Variants in NSUN6 observed in about 807,000 individuals in gnomAD.
NSUN6 encodes tRNA (cytosine(72)-C(5))-methyltransferase NSUN6.
Under a neutral mutation model 58.0 loss-of-function variants are expected in NSUN6, and 64 were observed. The ratio of observed to expected loss-of-function variants is 1.10; its 90% CI spans 0.90 to 1.36. NSUN6 has a LOEUF of 1.36. Among genes scored for constraint, NSUN6 ranks in the 40% most tolerant of loss-of-function variants. NSUN6 has a pLI of 0.00. For synonymous variants in NSUN6, 231 were observed against 193.9 expected, an observed-to-expected ratio of 1.19 and a Z score of -1.59; for missense variants, 701 against 550.1, an observed-to-expected ratio of 1.27 and a Z score of -2.74.
At chr10:18,563,914 CTCCAT>C (rs2055733574) in intron 8 of NSUN6, among the ~76,000 whole-genome samples, 1 of 150,988 alleles carries the variant, frequency 6.6e-6, no homozygotes. Flanking sequence ...ACATTACATT[CTCCAT>C]TCCATTCCAC....
intron 8 of NSUN6, among the ~76,000 whole-genome samples, chr10:18,570,297 A>T: frequency 7.2e-6 from 1 of 139,576 alleles, no homozygotes; most frequent in Non-Finnish European, 1.6e-5. Context: ...TCCATTCCAC[A>T]CCATTCTCCA....
intron 7 of NSUN6, among the ~76,000 whole-genome samples, chr10:18,594,614 A>C (rs1190767540): frequency 6.6e-6 from 1 of 151,968 alleles, no homozygotes; most frequent in Non-Finnish European, 1.5e-5. Flanking sequence ...ATGCCCAGCT[A>C]CTTTTTTTTG....
chr10:18,602,191 T>C (rs1454143372), intron 6 of NSUN6, among the ~76,000 whole-genome samples: 1 of 150,796 alleles, frequency 6.6e-6, no homozygotes. Context: ...GCCTCCCAAG[T>C]AGCTGGGATT....
chr10:18,569,566 T>A (rs932674368), intron 8 of NSUN6, among the ~76,000 whole-genome samples: 8 of 151,256 alleles, frequency 5.3e-5, no homozygotes, highest in African/African-American at 1.9e-4. Flanking sequence ...CATTCTCCCT[T>A]CCATTCTATT....
intron 3 of NSUN6, among the ~76,000 whole-genome samples, chr10:18,620,013 T>C (rs189437123): frequency 1.2e-3 from 189 of 152,288 alleles, no homozygotes; most frequent in African/African-American, 4.2e-3. Flanking sequence ...TAATGGGTCA[T>C]GATCTCCAAG....
rs562582747 is a variant in NSUN6, at chr10:18,548,045, G to T, written c.1197+67C>A. On this transcript the variant is annotated intron_variant, in intron 10 of 10. Coordinates refer to ENST00000377304, the MANE Select transcript of NSUN6 (RefSeq NM_182543.5). ...TTACTTATCTCTTCGTTAACACCCT[G>T]ATTACCACAGTGCTTCAGTTTCTGT... 1.6e-5 allele frequency: 24 copies of T among 1,486,840 alleles called. No individual in the cohort carries two copies. In the South Asian group the frequency reaches 2.8e-4, roughly 18 times the overall value. The allele number at this position is 1,486,840 out of a possible 1,614,324, so 92.1% of individuals were successfully genotyped here.
upstream of NSUN6, among the ~76,000 whole-genome samples, chr10:18,657,654 G>A (rs935677060): frequency 3.3e-5 from 5 of 151,220 alleles, no homozygotes; most frequent in African/African-American, 1.2e-4. Flanking sequence ...TCACTCTGTC[G>A]CCAGGCTGAA....
At chr10:18,631,079 G>C (rs1275594731) in intron 3 of NSUN6, among the ~76,000 whole-genome samples, 1 of 152,030 alleles carries the variant, frequency 6.6e-6, no homozygotes, top group East Asian at 1.9e-4. Flanking sequence ...TTCATCCCTG[G>C]GATGCAAGGC....
chr10:18,558,996 G>C (rs926188887), intron 8 of NSUN6, among the ~76,000 whole-genome samples: 18 of 151,448 alleles, frequency 1.2e-4, no homozygotes, highest in Non-Finnish European at 2.5e-4. Context: ...GAATGCAATG[G>C]AATGGAAAAT....
chr10:18,576,049 A>G (rs1368153039), intron 8 of NSUN6, among the ~76,000 whole-genome samples: 1 of 152,080 alleles, frequency 6.6e-6, no homozygotes, highest in Non-Finnish European at 1.5e-5. Context: ...GAGAGGATGG[A>G]CTCATCACAA....
Position 18,614,498 on chromosome 10 carries a change from T to G in NSUN6, c.537A>C (p.Leu179=). Residue 179 remains leucine, a synonymous_variant, in exon 5 of 11, where the codon CTA becomes CTC. Transcript: ENST00000377304. Reference sequence around the variant, plus strand: ...ATCCACTGAAGATTTCTTTGCGGCTTAGTTCAGAAATCCCATTTCCAAGAA... The same window carrying G: ...ATCCACTGAAGATTTCTTTGCGGCTGAGTTCAGAAATCCCATTTCCAAGAA... ...KVFLGNGISE[L]SRKEIFSGLP... 1.9e-6 allele frequency: 3 copies of G among 1,562,634 alleles called. No individual in the cohort carries two copies. The South Asian group carries it at 3.6e-5, about 19-fold the overall frequency.
At chr10:18,641,616 T>C (rs765483160) in intron 3 of NSUN6, among the ~76,000 whole-genome samples, 17 of 152,092 alleles carry the variant, frequency 1.1e-4, no homozygotes, top group Non-Finnish European at 2.2e-4. Context: ...GGGATCCGCC[T>C]ACCTCAGCCT....
rs141990845 is a variant in NSUN6, at chr10:18,608,363, T to C, written c.657+1482A>G. ...GTCAAAACTAAATAATGACCAGGCA[T>C]GGTGGCTTATGCCTGTAATCCCAGA... On this transcript the variant is annotated intron_variant, in intron 6 of 10. Transcript: ENST00000377304. Among the ~76,000 whole-genome samples the C allele has an allele frequency of 8.1e-4, 124 of 152,244 alleles. No homozygotes were observed. In the Middle Eastern group the frequency reaches 0.01, roughly 13 times the overall value.
intron 3 of NSUN6, among the ~76,000 whole-genome samples, chr10:18,620,629 G>A (rs1331337628): frequency 5.3e-5 from 8 of 151,972 alleles, no homozygotes; most frequent in African/African-American, 7.3e-5. Flanking sequence ...ACAGCCCTTC[G>A]GCCTAATTTC....
At chr10:18,599,066 C>A (rs1357758120) in intron 6 of NSUN6, among the ~76,000 whole-genome samples, 1 of 152,146 alleles carries the variant, frequency 6.6e-6, no homozygotes, top group Non-Finnish European at 1.5e-5. Context: ...GAGATAGAGT[C>A]TTGCTCTGTC....
intron 6 of NSUN6, among the ~76,000 whole-genome samples, chr10:18,601,078 A>G (rs1317258325): frequency 6.7e-6 from 1 of 149,348 alleles, no homozygotes; most frequent in Non-Finnish European, 1.5e-5. Flanking sequence ...GAACTACCTC[A>G]TCTTCTCAAG....
intron 8 of NSUN6, among the ~76,000 whole-genome samples, chr10:18,554,146 GA>G (rs1184416578): frequency 2.0e-5 from 3 of 150,490 alleles, no homozygotes; most frequent in African/African-American, 7.3e-5. Context: ...GAATGGATTG[GA>G]TAAACGAATG....
intron 3 of NSUN6, among the ~76,000 whole-genome samples, chr10:18,619,953 C>T (rs1047765323): frequency 6.6e-6 from 1 of 151,132 alleles, no homozygotes; most frequent in Non-Finnish European, 1.5e-5. Flanking sequence ...TAAAACATCC[C>T]TTTTTTTTTA....
At chr10:18,560,648 AGAATGGAATGGAGAATGGAGAATG>A (rs1453544249) in intron 8 of NSUN6, among the ~76,000 whole-genome samples, 6 of 94,662 alleles carry the variant, frequency 6.3e-5, no homozygotes, top group African/African-American at 2.1e-4. Context: ...AATGGAATGG[AGAATGGAATGGAGAATGGAGAATG>A]GAATGGAGAA....
Sources: gnomAD v4.1 joint callset for allele counts (sites outside exome capture counted in the v4.1 genomes callset) on GRCh38, gnomAD v4.1.1 for gene constraint, MANE v1.5 for transcripts, NCBI Gene and HGNC (gene_info 2026-07-23, HGNC 2026-07-21) for gene names.